Variants in AVIL observed in about 807,000 individuals in gnomAD.
AVIL encodes the protein advillin.
A neutral mutation model predicts 109.9 loss-of-function variants in AVIL; 78 were observed. The ratio of observed to expected loss-of-function variants is 0.71; its 90% CI spans 0.59 to 0.86. AVIL has a LOEUF of 0.86. AVIL is among the 40% of genes least tolerant of loss of function. The pLI is 0.00. For missense variants in AVIL, 892 were observed against 1,016.5 expected (o/e 0.88, Z 1.67); for synonymous variants, 367 against 379.1 (o/e 0.97, Z 0.37).
intron 16 of AVIL, among the ~76,000 whole-genome samples, chr12:57,803,025 G>A (rs1488120623): frequency 3.3e-5 from 5 of 152,170 alleles, no homozygotes; most frequent in Non-Finnish European, 5.9e-5. Flanking sequence ...TCCAAAGCAA[G>A]GTGGGAAAAT....
intron 4 of AVIL, among the ~76,000 whole-genome samples, chr12:57,812,785 C>T (rs1186930145): frequency 1.3e-5 from 2 of 152,230 alleles, no homozygotes; most frequent in Non-Finnish European, 2.9e-5. Flanking sequence ...TAATCTGTTG[C>T]TTCTGGCTAC....
rs756548425 is a variant in AVIL, at chr12:57,806,542, A to G, written c.1492-3T>C. ...TTTCCCTTCCTGGAAGTCCCACCCT[A>G]GAGAGAAGAAAAGCAGAGTCCAGAT... On this transcript the variant is annotated splice_region_variant and splice_polypyrimidine_tract_variant and intron_variant, in intron 13 of 19. Coordinates refer to ENST00000549994, the MANE Select transcript of AVIL (RefSeq NM_006576.4). The G allele has an allele frequency of 1.2e-6, 2 of 1,613,878 alleles. No individual in the cohort carries two copies. Among genetic ancestry groups the G allele is most frequent in the South Asian group, 2.2e-5 (2 of 91,078 alleles).
At position 57,810,557 on chromosome 12, in the gene AVIL, A is replaced by G. The variant is rs1956023579; in HGVS notation, c.559-6T>C. ...TCCTTTGCCAGAAGCATAGCCTGTC[A>G]AAGAAGCCCAAGGAAGCCCTCAGCT... is the stretch of plus-strand genomic sequence containing the variant. On this transcript the variant is annotated splice_region_variant and splice_polypyrimidine_tract_variant and intron_variant, in intron 6 of 19. Coordinates refer to ENST00000549994, the MANE Select transcript of AVIL (RefSeq NM_006576.4). 1.2e-6 allele frequency: 2 copies of G among 1,608,702 alleles called. No homozygotes were observed. Among genetic ancestry groups the G allele is most frequent in the Middle Eastern group, 1.9e-4 (1 of 5,328 alleles).
chr12:57,812,648 C>G (rs1266194142), intron 4 of AVIL, among the ~76,000 whole-genome samples: 2 of 152,236 alleles, frequency 1.3e-5, no homozygotes, highest in Non-Finnish European at 2.9e-5. Context: ...GCGTAAGCCA[C>G]CATGCCTGGC....
chr12:57,798,508 TGTA>T (rs1204486078), intron 19 of AVIL, among the ~76,000 whole-genome samples: 1 of 152,200 alleles, frequency 6.6e-6, no homozygotes, highest in Non-Finnish European at 1.5e-5. Flanking sequence ...TCAAGAAAAT[TGTA>T]GTCCAGATAC....
Position 57,801,198 on chromosome 12 carries a change from A to G in AVIL, c.2166T>C (p.Tyr722=), listed in dbSNP as rs1283822442. 2.2e-5 allele frequency: 35 copies of G among 1,613,270 alleles called. No individual in the cohort carries two copies. Among genetic ancestry groups the G allele is most frequent in the Non-Finnish European group, 2.8e-5 (33 of 1,179,704 alleles). The part of the protein sequence containing the change: ...DPNIWSAGKT[Y]EQLKEELGDA... ...CTCCCAGCTCTTCTTTTAATTGTTCATATGTTTTTCCTGCCTGAGAAGAAG... is the reference window on the plus strand; with the variant it reads ...CTCCCAGCTCTTCTTTTAATTGTTCGTATGTTTTTCCTGCCTGAGAAGAAG... The change falls in exon 18 of 20, where the codon TAT becomes TAC. Residue 722 remains tyrosine (Y), a synonymous_variant. Coordinates refer to ENST00000549994, the MANE Select transcript of AVIL (RefSeq NM_006576.4).
rs112670181 is a variant in AVIL at position 57,813,514 on chromosome 12, A to C, written c.142-91T>G. 6.5e-3 allele frequency: 8,618 copies of C among 1,328,424 alleles called. 253 individuals carry two copies. The highest frequency in any genetic ancestry group is 0.064 in the South Asian group (4,877 of 75,708). The allele number at this position is 1,328,424 out of a possible 1,614,324, so 82.3% of individuals were successfully genotyped here. On this transcript the variant is annotated intron_variant, in intron 3 of 19. Coordinates refer to ENST00000549994, the MANE Select transcript of AVIL (RefSeq NM_006576.4). ...TATGGGGAGAATGCAGCACATGTGCATGCCCTTGGCAGACTGAGGGCCCTC... is the reference window on the plus strand; with the variant it reads ...TATGGGGAGAATGCAGCACATGTGCCTGCCCTTGGCAGACTGAGGGCCCTC...
Position 57,797,971 on chromosome 12 carries a change from C to T in AVIL, c.2371G>A (p.Val791Met). Residue 791 changes from valine to methionine, a missense_variant, in exon 20 of 20, where the codon GTG becomes ATG. Val to Met is a conservative substitution (Grantham distance 21). Coordinates refer to ENST00000549994, the MANE Select transcript of AVIL (RefSeq NM_006576.4). ...CCTCTTGTGATGCCAAACACAGACACAAAGTCCTGTTCAGAGAGGTAATTC... is the reference window on the plus strand; with the variant it reads ...CCTCTTGTGATGCCAAACACAGACATAAAGTCCTGTTCAGAGAGGTAATTC... ...KENYLSEQDF[V>M]SVFGITRGQF... 1 of 1,612,684 alleles carries T rather than the reference C, an allele frequency of 6.2e-7. No individual in the cohort carries two copies. The highest frequency in any genetic ancestry group is 8.5e-7 in the Non-Finnish European group (1 of 1,179,236).
intron 18 of AVIL, chr12:57,800,693 C>T (rs540908483): frequency 1.2e-4 from 19 of 154,648 alleles, no homozygotes; most frequent in Non-Finnish European, 2.4e-4. Context: ...CAGCAACTTC[C>T]GCTTCCTGGG....
intron 14 of AVIL, chr12:57,804,051 TACTA>T (rs1217957002): frequency 4.2e-5 from 7 of 165,670 alleles, no homozygotes; most frequent in Non-Finnish European, 9.2e-5. Context: ...AGAATCATGT[TACTA>T]CCACCACAAT....
chr12:57,810,308 C>G (rs757146611), intron 7 of AVIL, 41 bp downstream of exon 7: 3 of 1,608,636 alleles, frequency 1.9e-6, no homozygotes, highest in African/African-American at 1.3e-5. Context: ...CACCTTCCCC[C>G]CAACCCCAGC....
At chr12:57,811,621 A>G (rs779443809) in intron 4 of AVIL, among the ~76,000 whole-genome samples, 17 of 152,162 alleles carry the variant, frequency 1.1e-4, no homozygotes, top group Admixed American at 2.0e-4. Context: ...GGGGTCCTGC[A>G]CTTTAAGGGA....
chr12:57,799,374 A>G (rs1955800165), intron 19 of AVIL, among the ~76,000 whole-genome samples: 1 of 152,250 alleles, frequency 6.6e-6, no homozygotes, highest in Non-Finnish European at 1.5e-5. Context: ...AGAGCTAGGC[A>G]GGGGCCAGAT....
Position 57,799,831 on chromosome 12 carries a change from C to T in AVIL, c.2310G>A (p.Gln770=). 4.3e-6 allele frequency: 7 copies of T among 1,614,108 alleles called. No individual in the cohort carries two copies. Among genetic ancestry groups the T allele is most frequent in the Non-Finnish European group, 5.9e-6 (7 of 1,180,018 alleles). The change falls in exon 19 of 20, where the codon CAG becomes CAA. Residue 770 remains glutamine, a synonymous_variant. Coordinates refer to ENST00000549994, the MANE Select transcript of AVIL (RefSeq NM_006576.4). ...CAGGGTTTACATCCTCAGGCAGCTC[C>T]TGATTCTGGTTTTTCAACAGAACTG... ...PIAVLLKNQN[Q]ELPEDVNPAK... is the part of the protein sequence containing the mutation.
chr12:57,808,681 C>T, intron 9 of AVIL, 133 bp from the exon 10 acceptor site: 2 of 1,129,454 alleles, frequency 1.8e-6, no homozygotes, highest in Non-Finnish European at 2.4e-6. Flanking sequence ...CAAATTCTAA[C>T]TCACTTTTGT....
In AVIL at chr12:57,813,352, C is replaced by T. The variant is rs1361993639; in HGVS notation, c.213G>A (p.Glu71=). The change falls in exon 4 of 20, where the codon GAG becomes GAA. Residue 71 remains glutamate, a synonymous_variant. Coordinates refer to ENST00000549994, the MANE Select transcript of AVIL (RefSeq NM_006576.4). ...TGGTATATATGGCTGCGCAGCTTTG[C>T]TCATCCTGGGAGGAGTCCTTCCCGA... ...FWIGKDSSQD[E]QSCAAIYTTQ... 8.7e-6 allele frequency: 14 copies of T among 1,614,140 alleles called. No individual in the cohort carries two copies. The highest frequency in any genetic ancestry group is 1.2e-5 in the Non-Finnish European group (14 of 1,180,026).
chr12:57,816,359 T>C (rs985711935), intron 1 of AVIL: 36 of 250,760 alleles, frequency 1.4e-4, no homozygotes, highest in African/African-American at 8.2e-4. Context: ...AAGCCCTGTA[T>C]TGATTCACTT....
chr12:57,798,364 C>T (rs1424524683), intron 19 of AVIL, among the ~76,000 whole-genome samples: 4 of 152,174 alleles, frequency 2.6e-5, no homozygotes, highest in Admixed American at 2.6e-4. Context: ...CCCGTAACTA[C>T]CATTTTTACC....
At chr12:57,815,156 G>A (rs1956085609) in intron 2 of AVIL, among the ~76,000 whole-genome samples, 2 of 152,168 alleles carry the variant, frequency 1.3e-5, no homozygotes, top group South Asian at 2.1e-4. Context: ...GTTTCACTGT[G>A]TTAGCCAGGA....
Sources: allele counts gnomAD v4.1 joint callset (sites outside exome capture counted in the v4.1 genomes callset), GRCh38; gene constraint gnomAD v4.1.1; transcripts MANE v1.5; gene names NCBI Gene and HGNC (gene_info 2026-07-23, HGNC 2026-07-21).